The following FGF12 variants were observed in gnomAD, a reference collection of about 807,000 sequenced individuals.
The protein encoded by FGF12 is fibroblast growth factor 12B.
Under a neutral mutation model 23.6 loss-of-function variants are expected in FGF12, and 14 were observed. That is an observed-to-expected ratio of 0.59 (90% CI 0.39 to 0.93). FGF12 has a LOEUF of 0.93. Ranked by LOEUF, FGF12 falls within the 40% of genes least tolerant of loss-of-function variation. FGF12 has a pLI of 0.00. For synonymous variants in FGF12, 62 were observed against 77.3 expected (o/e 0.80, Z 1.04); for missense variants, 175 against 217.8 (o/e 0.80, Z 1.24).
At chr3:192,294,045 G>A (rs1417799987) in intron 4 of FGF12, among the ~76,000 whole-genome samples, 1 of 152,120 alleles carries the variant, frequency 6.6e-6, no homozygotes, top group East Asian at 1.9e-4. Context: ...CTGTTCTCAT[G>A]GTAGTGAATA....
intron 4 of FGF12, among the ~76,000 whole-genome samples, chr3:192,256,829 C>A (rs1446314926): frequency 6.6e-6 from 1 of 152,148 alleles, no homozygotes; most frequent in African/African-American, 2.4e-5. Flanking sequence ...TCAACTCAGG[C>A]AATTTAAACT....
intron 2 of FGF12, among the ~76,000 whole-genome samples, chr3:192,620,134 G>T (rs905405515): frequency 6.6e-6 from 1 of 151,900 alleles, no homozygotes; most frequent in Non-Finnish European, 1.5e-5. Flanking sequence ...CATTTTTGCC[G>T]ACCTCACTCT....
intron 2 of FGF12, chr3:192,515,211 G>T (rs1560136178): frequency 6.6e-6 from 1 of 152,258 alleles, no homozygotes; most frequent in East Asian, 1.9e-4. Context: ...CGCTGAGAGG[G>T]CTGCGCGGCT....
intron 4 of FGF12, among the ~76,000 whole-genome samples, chr3:192,215,737 T>C (rs1370972565): frequency 6.6e-6 from 1 of 152,194 alleles, no homozygotes; most frequent in Non-Finnish European, 1.5e-5. Flanking sequence ...CTTTTTCCCC[T>C]GTAGAAGAAA....
At chr3:192,542,018 C>T (rs1725378802) in intron 2 of FGF12, among the ~76,000 whole-genome samples, 2 of 148,660 alleles carry the variant, frequency 1.3e-5, no homozygotes, top group South Asian at 4.3e-4. Context: ...TGCACATCAC[C>T]ATGCCTGGCA....
intron 4 of FGF12, among the ~76,000 whole-genome samples, chr3:192,332,933 G>A (rs6787822): frequency 0.069 from 10,546 of 152,148 alleles, 1,139 homozygotes; most frequent in African/African-American, 0.23. Flanking sequence ...CTCACGAGGC[G>A]AAAGCATTGT....
At chr3:192,198,309 C>CCATTAATTCTGACAAGATTTTTTT (rs1717184111) in intron 4 of FGF12, among the ~76,000 whole-genome samples, 2 of 151,946 alleles carry the variant, frequency 1.3e-5, no homozygotes, top group Admixed American at 1.3e-4. Flanking sequence ...GAATTAATGG[C>CCATTAATTCTGACAAGATTTTTTT]CTTTAAAACT....
intron 2 of FGF12, among the ~76,000 whole-genome samples, chr3:192,478,640 TC>T (rs1281011783): frequency 6.6e-6 from 1 of 152,222 alleles, no homozygotes; most frequent in East Asian, 1.9e-4. Flanking sequence ...TTTTCAGTTT[TC>T]TTGTGACTAA....
intron 2 of FGF12, among the ~76,000 whole-genome samples, chr3:192,573,849 T>C (rs1712760527): frequency 6.6e-6 from 1 of 152,222 alleles, no homozygotes; most frequent in African/African-American, 2.4e-5. Flanking sequence ...TTAATTGCCA[T>C]CTTATCCATG....
chr3:192,655,921 CA>C (rs1716394396), intron 2 of FGF12, among the ~76,000 whole-genome samples: 1 of 150,486 alleles, frequency 6.6e-6, no homozygotes, highest in African/African-American at 2.4e-5. Flanking sequence ...TCAGTGAAGC[CA>C]TAGGAAAAGA....
At chr3:192,472,348 C>T (rs993578124) in intron 2 of FGF12, among the ~76,000 whole-genome samples, 1 of 152,066 alleles carries the variant, frequency 6.6e-6, no homozygotes. Context: ...ACCACACTCC[C>T]TTATTGTCCG....
intron 2 of FGF12, among the ~76,000 whole-genome samples, chr3:192,725,701 A>G (rs1205181416): frequency 6.6e-6 from 1 of 152,224 alleles, no homozygotes; most frequent in Non-Finnish European, 1.5e-5. Context: ...GTGACCAAAT[A>G]CCAGGTGTCA....
Position 192,523,723 on chromosome 3 carries a change from G to A in FGF12, c.14-163185C>T, listed in dbSNP as rs150872677. 1.8e-3 allele frequency among the ~76,000 whole-genome samples: 267 copies of A among 152,262 alleles called. 1 individual carries two copies. In the East Asian group the frequency reaches 0.028, roughly 16 times the overall value. ...TGCACATTTAGCGAGTGCATATTTT[G>A]TTTAAATATAACCCTGCCCTCAGTG... On this transcript the variant is annotated intron_variant, in intron 2 of 5. Coordinates refer to ENST00000445105, the MANE Select transcript of FGF12 (RefSeq NM_004113.6).
At chr3:192,148,679 A>G (rs2108583087) in intron 5 of FGF12, among the ~76,000 whole-genome samples, 1 of 152,352 alleles carries the variant, frequency 6.6e-6, no homozygotes, top group Middle Eastern at 3.4e-3. Flanking sequence ...AGTATAAGGT[A>G]TAAGAAGTGA....
intron 2 of FGF12, among the ~76,000 whole-genome samples, chr3:192,503,796 C>T (rs1419359380): frequency 5.9e-5 from 9 of 151,734 alleles, no homozygotes; most frequent in East Asian, 3.9e-4. Flanking sequence ...TTAGTAGAGA[C>T]GGGGTTTCAC....
At chr3:192,378,026 TTTTCTTTCTTTCTTTCTTTC>T (rs202170804) in intron 2 of FGF12, among the ~76,000 whole-genome samples, 3,827 of 69,304 alleles carry the variant, frequency 0.055, 251 homozygotes, top group East Asian at 0.12. Context: ...TGACTCTTTC[TTTTCTTTCTTTCTTTCTTTC>T]TTTCTTTCTT....
intron 4 of FGF12, among the ~76,000 whole-genome samples, chr3:192,324,670 A>T (rs1213647109): frequency 1.3e-5 from 2 of 152,194 alleles, no homozygotes; most frequent in Non-Finnish European, 2.9e-5. Context: ...TTTATTTCTA[A>T]AGCTTACATT....
Position 192,727,268 on chromosome 3 carries a change from T to C in FGF12, c.-75A>G. On this transcript the variant is annotated 5_prime_UTR_variant, in exon 2 of 6. Transcript: ENST00000445105. ...TGTGGGCCCGCTTCAGATTCCCAAATCTGGGAAGCCAATCTGATGATTTCG... is the reference window on the plus strand; with the variant it reads ...TGTGGGCCCGCTTCAGATTCCCAAACCTGGGAAGCCAATCTGATGATTTCG... The C allele has an allele frequency of 6.4e-7, 1 of 1,554,976 alleles. No homozygotes were observed. The highest frequency in any genetic ancestry group is 1.7e-4 in the Middle Eastern group (1 of 5,994).
intron 2 of FGF12, among the ~76,000 whole-genome samples, chr3:192,603,371 G>A (rs1577074726): frequency 6.6e-6 from 1 of 152,072 alleles, no homozygotes; most frequent in East Asian, 1.9e-4. Flanking sequence ...AAAATCAGTA[G>A]CATTTCTGTA....
Sources: allele counts gnomAD v4.1 joint callset (sites outside exome capture counted in the v4.1 genomes callset), GRCh38; gene constraint gnomAD v4.1.1; transcripts MANE v1.5; gene names NCBI Gene and HGNC (gene_info 2026-07-23, HGNC 2026-07-21).